Variants in NR2C2 observed in about 807,000 individuals in gnomAD.
NR2C2 encodes Nuclear hormone receptor TR4.
NR2C2 carries 6 observed loss-of-function variants against 62.9 expected under a neutral mutation model. The observed-to-expected ratio is 0.10, with a 90% CI of 0.05 to 0.19. The LOEUF (loss-of-function observed/expected upper bound fraction) is 0.19, where lower values mean the gene tolerates loss of function less well. Among genes scored for constraint, NR2C2 ranks in the 10% least tolerant of loss-of-function variants. The pLI is 1.00. For synonymous variants in NR2C2, 272 were observed against 273.8 expected (o/e 0.99, Z 0.07); for missense variants, 479 against 762.7 (o/e 0.63, Z 4.38).
chr3:15,034,952 A>G, intron 11 of NR2C2, 143 bp downstream of exon 11: 6 of 812,698 alleles, frequency 7.4e-6, no homozygotes, highest in South Asian at 1.9e-5. Flanking sequence ...GGATAGCCTC[A>G]GTTTCCCACA....
intron 1 of NR2C2, among the ~76,000 whole-genome samples, chr3:14,988,227 T>C (rs2040563546): frequency 6.6e-6 from 1 of 152,236 alleles, no homozygotes; most frequent in Non-Finnish European, 1.5e-5. Flanking sequence ...ACCACAAAGC[T>C]TGGAGATGGA....
At chr3:15,016,092 G>A (rs1444219412) in intron 3 of NR2C2, 60 bp from the exon 4 acceptor site, 28 of 1,325,400 alleles carry the variant, frequency 2.1e-5, no homozygotes, top group African/African-American at 1.0e-4. Context: ...GTGAGCCACC[G>A]TGCCCGGCAG....
rs147353034 is a variant in NR2C2 at position 15,048,121 on chromosome 3, T to A, written c.*5113T>A. 2 of 152,810 alleles carry A rather than the reference T, an allele frequency of 1.3e-5. No individual in the cohort carries two copies. Among genetic ancestry groups the A allele is most frequent in the East Asian group, 3.9e-4 (2 of 5,182 alleles). 9.5% of individuals were successfully genotyped at this position (152,810 alleles called of 1,614,324 possible). Reference sequence around the variant, plus strand: ...CTCTTTTTCTTTTTAAAATAAGTTATCAAAATGTTTTAAAAACACTTTATG... The same window carrying A: ...CTCTTTTTCTTTTTAAAATAAGTTAACAAAATGTTTTAAAAACACTTTATG... On this transcript the variant is annotated 3_prime_UTR_variant, in exon 14 of 14. Coordinates refer to ENST00000425241, the MANE Select transcript of NR2C2 (RefSeq NM_001291694.2).
chr3:14,965,649 GTTT>G (rs2039827599), intron 1 of NR2C2, among the ~76,000 whole-genome samples: 1 of 134,624 alleles, frequency 7.4e-6, no homozygotes, highest in African/African-American at 3.1e-5. Context: ...TGTTTTTTTT[GTTT>G]GTTTGTTTTT....
At chr3:14,960,938 A>G (rs1367756688) in intron 1 of NR2C2, among the ~76,000 whole-genome samples, 1 of 152,064 alleles carries the variant, frequency 6.6e-6, no homozygotes, top group African/African-American at 2.4e-5. Flanking sequence ...AGAAAAAAAG[A>G]CCAAAAGGTA....
At chr3:14,992,572 G>A (rs2040702059) in intron 1 of NR2C2, among the ~76,000 whole-genome samples, 1 of 152,224 alleles carries the variant, frequency 6.6e-6, no homozygotes, top group Non-Finnish European at 1.5e-5. Flanking sequence ...GAAATGTGGT[G>A]TTCTGTGGAG....
chr3:14,974,917 G>A lies in NR2C2; in HGVS notation c.-40+27011G>A, dbSNP rs148426488. Among the ~76,000 whole-genome samples the A allele has an allele frequency of 3.9e-5, 6 of 152,166 alleles. No homozygotes were observed. In the East Asian group the frequency reaches 5.8e-4, roughly 15 times the overall value. On this transcript the variant is annotated intron_variant, in intron 1 of 13. Coordinates refer to ENST00000425241, the MANE Select transcript of NR2C2 (RefSeq NM_001291694.2). ...CTGCGTCCAACCAGTGTATACTTAC[G>A]TTTTAAGTGTATACTTAAATGTTTT...
intron 2 of NR2C2, among the ~76,000 whole-genome samples, chr3:15,010,864 C>T (rs186532931): frequency 3.5e-4 from 53 of 152,262 alleles, no homozygotes; most frequent in African/African-American, 1.3e-3. Flanking sequence ...GAAGAGCATA[C>T]AAGAAATGAC....
chr3:14,975,850 T>G (rs1483608746), intron 1 of NR2C2, among the ~76,000 whole-genome samples: 2 of 152,218 alleles, frequency 1.3e-5, no homozygotes, highest in Non-Finnish European at 2.9e-5. Context: ...GACTTTCCTT[T>G]TTTGGAAAGT....
intron 11 of NR2C2, 61 bp downstream of exon 11, chr3:15,034,870 G>C: frequency 1.3e-6 from 2 of 1,493,206 alleles, no homozygotes; most frequent in Non-Finnish European, 1.8e-6. Context: ...CCATGGAGCA[G>C]AGCCCAGCCC....
chr3:15,029,898 AAAGGAAGGAAGG>A (rs72500408), intron 8 of NR2C2, among the ~76,000 whole-genome samples: 3 of 152,000 alleles, frequency 2.0e-5, no homozygotes, highest in African/African-American at 4.8e-5. Flanking sequence ...GACAAAGAGA[AAAGGAAGGAAGG>A]AAGGAAGGAA....
intron 1 of NR2C2, among the ~76,000 whole-genome samples, chr3:14,968,389 C>G (rs2039927627): frequency 6.6e-6 from 1 of 152,048 alleles, no homozygotes; most frequent in Admixed American, 6.5e-5. Flanking sequence ...AAAAAATGCT[C>G]ACCATCACTG....
intron 1 of NR2C2, among the ~76,000 whole-genome samples, chr3:14,977,951 A>C (rs1032347606): frequency 2.0e-5 from 3 of 147,886 alleles, no homozygotes; most frequent in African/African-American, 7.4e-5. Flanking sequence ...TCTGCCTCAA[A>C]AAAAAAAAAA....
intron 7 of NR2C2, among the ~76,000 whole-genome samples, chr3:15,027,876 T>C (rs1446728586): frequency 6.6e-6 from 1 of 151,782 alleles, no homozygotes; most frequent in Non-Finnish European, 1.5e-5. Context: ...CTTTTTCCTT[T>C]TTTTTTTTGA....
intron 1 of NR2C2, among the ~76,000 whole-genome samples, chr3:14,977,515 CTCTT>C (rs1295082193): frequency 2.6e-5 from 4 of 151,948 alleles, no homozygotes; most frequent in Non-Finnish European, 5.9e-5. Flanking sequence ...TGTTGTAATT[CTCTT>C]TGAGTGTTAA....
intron 1 of NR2C2, among the ~76,000 whole-genome samples, chr3:14,975,162 C>T (rs1309441716): frequency 1.3e-5 from 2 of 152,098 alleles, no homozygotes; most frequent in South Asian, 2.1e-4. Context: ...AAGGTTCTGT[C>T]GTCTGTGAAT....
At chr3:14,968,997 GA>G (rs2039951526) in intron 1 of NR2C2, among the ~76,000 whole-genome samples, 1 of 117,570 alleles carries the variant, frequency 8.5e-6, no homozygotes, top group African/African-American at 3.2e-5. Flanking sequence ...GGGGTGGGGG[GA>G]GGGGGGAGGG....
At chr3:14,960,957 T>C (rs577548340) in intron 1 of NR2C2, among the ~76,000 whole-genome samples, 1 of 152,304 alleles carries the variant, frequency 6.6e-6, no homozygotes, top group East Asian at 1.9e-4. Flanking sequence ...TATCTTTGTG[T>C]TTTTTTCTTG....
chr3:14,993,514 T>C (rs1321996308), intron 1 of NR2C2, among the ~76,000 whole-genome samples: 1 of 152,158 alleles, frequency 6.6e-6, no homozygotes, highest in East Asian at 1.9e-4. Flanking sequence ...TGATGTCTAT[T>C]CATAATTATC....
Sources: allele counts gnomAD v4.1 joint callset (sites outside exome capture counted in the v4.1 genomes callset), GRCh38; gene constraint gnomAD v4.1.1; transcripts MANE v1.5; gene names NCBI Gene and HGNC (gene_info 2026-07-23, HGNC 2026-07-21).